The following ASXL3 variants were observed in gnomAD, a reference collection of about 807,000 sequenced individuals.
The protein encoded by ASXL3 is putative Polycomb group protein ASXL3.
A neutral mutation model predicts 170.6 loss-of-function variants in ASXL3; 34 were observed. The observed-to-expected ratio is 0.20, with a 90% CI of 0.15 to 0.27. The LOEUF is 0.27. ASXL3 is among the 10% of genes least tolerant of loss of function. The pLI, the probability that ASXL3 is intolerant of heterozygous loss-of-function variation, is 1.00. For missense variants in ASXL3, 2,592 were observed against 2,695.3 expected (o/e 0.96, Z 0.85); for synonymous variants, 1,002 against 989.1 (o/e 1.01, Z -0.24).
At chr18:33,711,103 T>C (rs1369345996) in intron 8 of ASXL3, among the ~76,000 whole-genome samples, 9 of 152,216 alleles carry the variant, frequency 5.9e-5, no homozygotes, top group African/African-American at 2.2e-4. Context: ...TTTTGTCATT[T>C]TAGAATGAAT....
intron 7 of ASXL3, among the ~76,000 whole-genome samples, chr18:33,680,410 G>C (rs951604129): frequency 2.0e-5 from 3 of 151,896 alleles, no homozygotes; most frequent in Non-Finnish European, 4.4e-5. Context: ...TTGAATCCTG[G>C]GGGAAAAACA....
intron 2 of ASXL3, among the ~76,000 whole-genome samples, chr18:33,634,352 C>CT (rs1399915553): frequency 6.8e-6 from 1 of 147,894 alleles, no homozygotes; most frequent in African/African-American, 2.5e-5. Flanking sequence ...TTAATAAAGT[C>CT]TAACAAAAAG....
rs1352171175 is a variant in ASXL3 at position 33,750,753 on chromosome 18, C to T, written c.*4158C>T. ...CTGAACCTACATAGACATTTTATAT[C>T]AGCATACAGAAAAGTAAAATCCTCC... On this transcript the variant is annotated 3_prime_UTR_variant, in exon 12 of 12. Transcript: ENST00000269197. 6.6e-6 allele frequency: 1 copy of T among 152,186 alleles called. No individual in the cohort carries two copies. The highest frequency in any genetic ancestry group is 1.5e-5 in the Non-Finnish European group (1 of 68,036). 9.4% of individuals were successfully genotyped at this position (152,186 alleles called of 1,614,324 possible).
intron 8 of ASXL3, among the ~76,000 whole-genome samples, chr18:33,690,513 T>C (rs1339460995): frequency 6.6e-6 from 1 of 152,220 alleles, no homozygotes; most frequent in African/African-American, 2.4e-5. Flanking sequence ...TTACGTAATA[T>C]ATAAACATAA....
intron 4 of ASXL3, among the ~76,000 whole-genome samples, chr18:33,647,493 C>T (rs1018360479): frequency 1.3e-5 from 2 of 151,920 alleles, no homozygotes; most frequent in African/African-American, 4.8e-5. Context: ...ATGGTGGAAC[C>T]CTGGCTGGTC....
At position 33,666,471 on chromosome 18, in the gene ASXL3, C is replaced by T. The variant is rs867287416; in HGVS notation, c.478-4202C>T. Among the ~76,000 whole-genome samples, 10 of 152,278 alleles carry T rather than the reference C, an allele frequency of 6.6e-5. No homozygotes were observed. The South Asian group carries it at 1.2e-3, about 19-fold the overall frequency. On this transcript the variant is annotated intron_variant, in intron 5 of 11. Transcript: ENST00000269197. ...TCCCCTCTTTTAGGGTACCCCTGTG[C>T]AGGACACAGCATCCATGACTATCTA...
At chr18:33,640,509 G>T (rs766806117) in intron 2 of ASXL3, among the ~76,000 whole-genome samples, 43 of 151,784 alleles carry the variant, frequency 2.8e-4, no homozygotes, top group Non-Finnish European at 5.6e-4. Context: ...GTAGAGACAC[G>T]CCCATTAAAT....
chr18:33,719,207 T>G (rs1296962823), intron 8 of ASXL3, among the ~76,000 whole-genome samples: 1 of 152,018 alleles, frequency 6.6e-6, no homozygotes, highest in Non-Finnish European at 1.5e-5. Context: ...CATAACAAGG[T>G]TCCTTACCTC....
At chr18:33,696,585 G>A (rs1407626996) in intron 8 of ASXL3, among the ~76,000 whole-genome samples, 1 of 152,082 alleles carries the variant, frequency 6.6e-6, no homozygotes, top group African/African-American at 2.4e-5. Context: ...TCTGTGGGAT[G>A]TGACTGGAAG....
intron 2 of ASXL3, among the ~76,000 whole-genome samples, chr18:33,627,939 T>G (rs543785693): frequency 6.6e-6 from 1 of 152,256 alleles, no homozygotes; most frequent in African/African-American, 2.4e-5. Flanking sequence ...AGAAGTTTAT[T>G]AGGTCTAAGA....
At chr18:33,660,652 C>T (rs2066158059) in intron 4 of ASXL3, among the ~76,000 whole-genome samples, 1 of 152,170 alleles carries the variant, frequency 6.6e-6, no homozygotes, top group East Asian at 1.9e-4. Flanking sequence ...CTGCCTTTGA[C>T]ATATGCCTCC....
chr18:33,698,038 A>T (rs2066800704), intron 8 of ASXL3, among the ~76,000 whole-genome samples: 1 of 152,090 alleles, frequency 6.6e-6, no homozygotes, highest in Non-Finnish European at 1.5e-5. Context: ...AAGAATATGT[A>T]CTATGGTATG....
Position 33,746,729 on chromosome 18 carries a change from G to T in ASXL3, c.*134G>T. ...TTTGGAGCAGGTACCTTTCCTCTAT[G>T]GCATTATTTTCTTGCATTTCTCATA... On this transcript the variant is annotated 3_prime_UTR_variant, in exon 12 of 12. Transcript: ENST00000269197. 7.3e-7 allele frequency: 1 copy of T among 1,377,076 alleles called. No homozygotes were observed. The highest frequency in any genetic ancestry group is 9.6e-7 in the Non-Finnish European group (1 of 1,046,488). 85.3% of individuals were successfully genotyped at this position (1,377,076 alleles called of 1,614,324 possible). A position where few individuals can be genotyped will look rare whatever the true frequency, so the allele number is the denominator to read the frequency against.
chr18:33,728,685 C>G (rs572975699), intron 8 of ASXL3, among the ~76,000 whole-genome samples: 10 of 152,244 alleles, frequency 6.6e-5, no homozygotes, highest in African/African-American at 2.2e-4. Context: ...AATGACTTTA[C>G]CTTCTTAATC....
At chr18:33,694,260 G>A (rs2066736574) in intron 8 of ASXL3, among the ~76,000 whole-genome samples, 1 of 152,160 alleles carries the variant, frequency 6.6e-6, no homozygotes, top group Non-Finnish European at 1.5e-5. Flanking sequence ...GATGTGCTTG[G>A]AGAATTTTTA....
chr18:33,701,705 A>G (rs775420491), intron 8 of ASXL3, among the ~76,000 whole-genome samples: 3 of 152,096 alleles, frequency 2.0e-5, no homozygotes, highest in Non-Finnish European at 2.9e-5. Context: ...GTGTCTGGGT[A>G]TGAATCACTT....
intron 1 of ASXL3, among the ~76,000 whole-genome samples, chr18:33,583,581 A>G (rs1009917246): frequency 3.3e-5 from 5 of 152,180 alleles, no homozygotes; most frequent in Non-Finnish European, 5.9e-5. Context: ...ATAAAAATGT[A>G]CTTGAAAGAA....
Position 33,719,040 on chromosome 18 carries a change from AGTTT to A in ASXL3, c.880-12923_880-12920del, listed in dbSNP as rs1230976788. On this transcript the variant is annotated intron_variant, in intron 8 of 11. Coordinates refer to ENST00000269197, the MANE Select transcript of ASXL3 (RefSeq NM_030632.3). The stretch of plus-strand genomic sequence containing the variant: ...ATCCTCACAAAAAACTCTAGGAAGT[AGTTT>A]GTTTTTCATAGTTTAGAAATTAAAC... 5.3e-5 allele frequency among the ~76,000 whole-genome samples: 8 copies of A among 152,244 alleles called. No homozygotes were observed. In the South Asian group the frequency reaches 1.2e-3, roughly 24 times the overall value.
chr18:33,621,645 C>T (rs894769286), intron 2 of ASXL3, among the ~76,000 whole-genome samples: 1 of 152,132 alleles, frequency 6.6e-6, no homozygotes, highest in African/African-American at 2.4e-5. Context: ...GTGACTGGCT[C>T]AGATTCCCAC....
Sources: allele counts gnomAD v4.1 joint callset (sites outside exome capture counted in the v4.1 genomes callset), GRCh38; gene constraint gnomAD v4.1.1; transcripts MANE v1.5; gene names NCBI Gene and HGNC (gene_info 2026-07-23, HGNC 2026-07-21).